Variants in LOXL2 observed in about 807,000 individuals in gnomAD.
LOXL2 encodes lysyl oxidase like 2.
Under a neutral mutation model 93.0 loss-of-function variants are expected in LOXL2, and 70 were observed. The ratio of observed to expected loss-of-function variants is 0.75; its 90% CI spans 0.62 to 0.92. LOXL2 has a LOEUF of 0.92. Ranked by LOEUF, LOXL2 falls within the 40% of genes least tolerant of loss-of-function variation. The pLI, the probability that LOXL2 is intolerant of heterozygous loss-of-function variation, is 0.00. For synonymous variants in LOXL2, 438 were observed against 413.2 expected (o/e 1.06, Z -0.73); for missense variants, 973 against 1,054.9 (o/e 0.92, Z 1.08).
At chr8:23,385,862 G>A in intron 1 of LOXL2, 1 of 720,362 alleles carries the variant, frequency 1.4e-6, no homozygotes. Flanking sequence ...GAGATGTTTT[G>A]CGTTCTTTTT....
At position 23,297,132 on chromosome 8, in the gene LOXL2, C is replaced by A. The variant is rs1355336131; in HGVS notation, c.*911G>T. ...CTTCTGGCCACTGAACATAGGAAGC[C>A]TGCTGCTCAGGGCCCAGGTGCTGTG... On this transcript the variant is annotated 3_prime_UTR_variant, in exon 14 of 14. Transcript: ENST00000389131. 1 of 152,194 alleles carries A rather than the reference C, an allele frequency of 6.6e-6. No homozygotes were observed. The highest frequency in any genetic ancestry group is 2.4e-5 in the African/African-American group (1 of 41,432). The allele number at this position is 152,194 out of a possible 1,614,324, so 9.4% of individuals were successfully genotyped here.
chr8:23,348,876 C>T (rs1318739956), intron 3 of LOXL2, among the ~76,000 whole-genome samples: 2 of 151,178 alleles, frequency 1.3e-5, no homozygotes, highest in Non-Finnish European at 2.9e-5. Context: ...GACTCCGTCT[C>T]AAAAAAAACA....
Position 23,297,725 on chromosome 8 carries a change from G to GCCGTATCAT in LOXL2, c.*317_*318insATGATACGG. On this transcript the variant is annotated 3_prime_UTR_variant, in exon 14 of 14. Transcript: ENST00000389131. ...GTGTCTGTGGTGAGCTCGGTGGCTT[G>GCCGTATCAT]AATGGGACAAGCTGATGACAACCTG... is the stretch of plus-strand genomic sequence containing the variant. 4.4e-6 allele frequency: 1 copy of GCCGTATCAT among 227,456 alleles called. No homozygotes were observed. The highest frequency in any genetic ancestry group is 1.2e-4 in the South Asian group (1 of 8,228). 14.1% of individuals were successfully genotyped at this position (227,456 alleles called of 1,614,324 possible).
At chr8:23,346,541 A>G (rs11987381) in intron 3 of LOXL2, among the ~76,000 whole-genome samples, 61,736 of 152,008 alleles carry the variant, frequency 0.41, 13,382 homozygotes, top group African/African-American at 0.57. Flanking sequence ...GTTTATGCCT[A>G]AATGACATTT....
At chr8:23,319,736 G>T in intron 8 of LOXL2, 149 bp downstream of exon 8, 1 of 812,978 alleles carries the variant, frequency 1.2e-6, no homozygotes, top group Non-Finnish European at 1.9e-6. Context: ...TGTGGCCAGA[G>T]CGAGGCTCCC....
chr8:23,350,985 A>G (rs1053505670), intron 3 of LOXL2, among the ~76,000 whole-genome samples: 23 of 152,002 alleles, frequency 1.5e-4, no homozygotes, highest in Admixed American at 1.3e-3. Context: ...ACACAACCTC[A>G]TGGTGAATCT....
In LOXL2 at chr8:23,323,139, C is replaced by A. The variant is rs181454457; in HGVS notation, c.1151-858G>T. ...GGAAACTCATAAATGATGATGCTTC[C>A]AATTCTTTGGAATTTTATAAAATGC... On this transcript the variant is annotated intron_variant, in intron 6 of 13. Transcript: ENST00000389131. Among the ~76,000 whole-genome samples the A allele has an allele frequency of 9.4e-4, 143 of 152,318 alleles. 1 individual carries two copies. Among genetic ancestry groups the A allele is most frequent in the Admixed American group, 7.5e-3 (115 of 15,304 alleles).
chr8:23,355,468 G>A (rs1804179573), intron 3 of LOXL2, among the ~76,000 whole-genome samples: 1 of 146,512 alleles, frequency 6.8e-6, no homozygotes, highest in South Asian at 2.1e-4. Context: ...AAGGCAAGGA[G>A]CTTAAGGAAA....
intron 1 of LOXL2, chr8:23,385,827 T>C (rs906464628): frequency 1.1e-5 from 7 of 636,778 alleles, no homozygotes; most frequent in African/African-American, 9.5e-5. Flanking sequence ...TATTTCAATA[T>C]GGAATCAATA....
chr8:23,356,910 A>G (rs915036862), intron 3 of LOXL2, among the ~76,000 whole-genome samples: 1 of 152,132 alleles, frequency 6.6e-6, no homozygotes, highest in African/African-American at 2.4e-5. Flanking sequence ...GCAGGTTGTA[A>G]GGGCTGGAGG....
chr8:23,317,264 G>A, intron 8 of LOXL2, 150 bp from the exon 9 acceptor site: 6 of 808,328 alleles, frequency 7.4e-6, no homozygotes, highest in Non-Finnish European at 1.2e-5. Context: ...TATCCAAGCT[G>A]TGCAGTTAGT....
At chr8:23,314,036 G>GA (rs1803355527) in intron 9 of LOXL2, among the ~76,000 whole-genome samples, 1 of 146,600 alleles carries the variant, frequency 6.8e-6, no homozygotes, top group Non-Finnish European at 1.5e-5. Flanking sequence ...AAAAACACAT[G>GA]AAAAAATGCT....
intron 12 of LOXL2, 116 bp from the exon 13 acceptor site, chr8:23,299,063 C>T (rs1803084749): frequency 4.5e-6 from 3 of 659,980 alleles, no homozygotes; most frequent in African/African-American, 1.8e-5. Flanking sequence ...GGTGCCGGGA[C>T]CCAAGACGGG....
rs1010156 is a variant in LOXL2, at chr8:23,333,428, T to C, written c.939A>G (p.Ser313=). ...PGQVFSPDGP[S]RFRKAYKPEQ... The stretch of plus-strand genomic sequence containing the variant: ...CTGGCTTGTACGCTTTCCGGAATCT[T>C]GAGGGTCCGTCAGGGCTGAAGACCT... The change falls in exon 5 of 14, where the codon TCA becomes TCG. Residue 313 remains serine, a synonymous_variant. Coordinates refer to ENST00000389131, the MANE Select transcript of LOXL2 (RefSeq NM_002318.3). 0.53 allele frequency: 863,136 copies of C among 1,613,396 alleles called. 235,542 individuals carry two copies. The highest frequency in any genetic ancestry group is 0.57 in the Non-Finnish European group (666,978 of 1,179,900).
At chr8:23,327,436 T>G (rs979851026) in intron 6 of LOXL2, among the ~76,000 whole-genome samples, 30 of 152,148 alleles carry the variant, frequency 2.0e-4, no homozygotes, top group African/African-American at 7.2e-4. Flanking sequence ...CATCTGACAC[T>G]ATGGAAATAT....
chr8:23,307,591 C>G (rs996648303), intron 10 of LOXL2, among the ~76,000 whole-genome samples: 1 of 152,142 alleles, frequency 6.6e-6, no homozygotes, highest in Non-Finnish European at 1.5e-5. Flanking sequence ...CAGGGAGGTT[C>G]CTACCATGTA....
At position 23,308,210 on chromosome 8, in the gene LOXL2, G is replaced by A. The variant is rs142433812; in HGVS notation, c.1880+1458C>T. ...CCCATAACAGTGATGACCACATTCC[G>A]GAGCTGCAGCGGAGCCTCAACATCA... On this transcript the variant is annotated intron_variant, in intron 10 of 13. Transcript: ENST00000389131. 7.8e-4 allele frequency among the ~76,000 whole-genome samples: 119 copies of A among 152,274 alleles called. 1 individual carries two copies. The highest frequency in any genetic ancestry group is 1.3e-3 in the Non-Finnish European group (89 of 68,024).
In LOXL2 at chr8:23,309,796, G is replaced by T. The variant is rs147553716; in HGVS notation, c.1752C>A (p.Ala584=). Residue 584 remains alanine, a synonymous_variant, in exon 10 of 14, where the codon GCC becomes GCA. Transcript: ENST00000389131. ...AMEENCLSAS[A]AQTDPTTGYR... is the part of the protein sequence containing the mutation. ...AGCCCGTGGTGGGGTCGGTCTGCGC[G>T]GCTGAGGCCGAGAGGCAGTTCTCCT... The T allele has an allele frequency of 1.1e-5, 18 of 1,604,162 alleles. No individual in the cohort carries two copies. Among genetic ancestry groups the T allele is most frequent in the Non-Finnish European group, 1.4e-5 (17 of 1,175,642 alleles).
At chr8:23,321,362 C>G (rs1803494337) in intron 7 of LOXL2, among the ~76,000 whole-genome samples, 1 of 152,200 alleles carries the variant, frequency 6.6e-6, no homozygotes, top group Non-Finnish European at 1.5e-5. Context: ...ACTTCATGCA[C>G]TGGGGGGCTT....
Sources: gnomAD v4.1 joint callset for allele counts (sites outside exome capture counted in the v4.1 genomes callset) on GRCh38, gnomAD v4.1.1 for gene constraint, MANE v1.5 for transcripts, NCBI Gene and HGNC (gene_info 2026-07-23, HGNC 2026-07-21) for gene names.